The following IGSF10 variants were observed in gnomAD, a reference collection of about 807,000 sequenced individuals.
IGSF10 encodes calvaria mechanical force protein 608.
Under a neutral mutation model 128.2 loss-of-function variants are expected in IGSF10, and 126 were observed. The observed-to-expected ratio is 0.98, with a 90% CI of 0.85 to 1.14. The LOEUF is 1.14. Ranked by LOEUF, IGSF10 falls within the 50% of genes most tolerant of loss-of-function variation. The pLI, the probability that IGSF10 is intolerant of heterozygous loss-of-function variation, is 0.00. For missense variants in IGSF10, 3,295 were observed against 3,149.8 expected, an observed-to-expected ratio of 1.05 and a Z score of -1.10; for synonymous variants, 1,185 against 1,146.2, an observed-to-expected ratio of 1.03 and a Z score of -0.68.
chr3:151,498,737 G>A, the IGSF10 span, among the ~76,000 whole-genome samples: 1 of 152,132 alleles, frequency 6.6e-6, no homozygotes, highest in South Asian at 2.1e-4. Flanking sequence ...CATTTCAGAA[G>A]CTGAATAAGG....
the IGSF10 span, among the ~76,000 whole-genome samples, chr3:151,611,582 C>T: frequency 5.9e-5 from 9 of 152,172 alleles, no homozygotes; most frequent in Admixed American, 2.0e-4. Context: ...TTTCTAAATT[C>T]TCTGAAATGG....
downstream of IGSF10, chr3:151,434,012 G>A (rs1040930583): frequency 6.6e-6 from 1 of 152,594 alleles, no homozygotes; most frequent in Non-Finnish European, 1.5e-5. Context: ...ATCAGTTTGT[G>A]TAACTTAAGA....
At chr3:151,588,062 A>T in the IGSF10 span, among the ~76,000 whole-genome samples, 29 of 152,350 alleles carry the variant, frequency 1.9e-4, no homozygotes, top group African/African-American at 7.0e-4. Flanking sequence ...CACTAAATGA[A>T]TTAAGTGAGG....
At chr3:151,483,188 A>G in the IGSF10 span, among the ~76,000 whole-genome samples, 1 of 152,234 alleles carries the variant, frequency 6.6e-6, no homozygotes, top group African/African-American at 2.4e-5. Context: ...AACCACATAT[A>G]TCTTCAATAT....
At chr3:151,516,962 G>T in the IGSF10 span, among the ~76,000 whole-genome samples, 2 of 151,220 alleles carry the variant, frequency 1.3e-5, no homozygotes, top group African/African-American at 4.9e-5. Context: ...CCCACCAATT[G>T]TATTTGGGAT....
rs374165892 is a variant in IGSF10 at position 151,455,417 on chromosome 3, GT to G, written c.324+1608del. ...TGTGAGCCACTGCGCCCGGCCTAAA[GT>G]TTCTAATAAACTTTATTTTGCACCT... On this transcript the variant is annotated intron_variant, in intron 4 of 7. Coordinates refer to ENST00000282466, the MANE Select transcript of IGSF10 (RefSeq NM_178822.5). 7.0e-4 allele frequency among the ~76,000 whole-genome samples: 106 copies of G among 151,992 alleles called. 2 individuals carry two copies. The East Asian group carries it at 0.015, about 22-fold the overall frequency.
chr3:151,609,360 G>T, the IGSF10 span, among the ~76,000 whole-genome samples: 3 of 152,162 alleles, frequency 2.0e-5, no homozygotes, highest in African/African-American at 7.2e-5. Flanking sequence ...AATCATTGAA[G>T]AATTTTAATC....
At chr3:151,567,325 T>C in the IGSF10 span, among the ~76,000 whole-genome samples, 1 of 152,184 alleles carries the variant, frequency 6.6e-6, no homozygotes, top group Non-Finnish European at 1.5e-5. Flanking sequence ...TTATTATCCA[T>C]ATGAATAAAT....
chr3:151,503,609 A>G, the IGSF10 span, among the ~76,000 whole-genome samples: 257 of 152,290 alleles, frequency 1.7e-3, 6 homozygotes, highest in East Asian at 0.045. Context: ...ATAATTCATG[A>G]CATTTTAAAT....
At chr3:151,608,360 TG>T in the IGSF10 span, among the ~76,000 whole-genome samples, 1 of 152,196 alleles carries the variant, frequency 6.6e-6, no homozygotes, top group Non-Finnish European at 1.5e-5. Context: ...TGGTTTTGCA[TG>T]GAACTGAGTT....
At chr3:151,484,333 C>T in the IGSF10 span, among the ~76,000 whole-genome samples, 1 of 152,172 alleles carries the variant, frequency 6.6e-6, no homozygotes, top group Non-Finnish European at 1.5e-5. Context: ...CCCCACCTCC[C>T]TGGGACACAG....
chr3:151,593,447 G>A, the IGSF10 span, among the ~76,000 whole-genome samples: 2 of 151,834 alleles, frequency 1.3e-5, no homozygotes, highest in Non-Finnish European at 2.9e-5. Flanking sequence ...TGTGAGATAG[G>A]TAGAGGCTGC....
chr3:151,509,517 G>A, the IGSF10 span, among the ~76,000 whole-genome samples: 1 of 152,188 alleles, frequency 6.6e-6, no homozygotes, highest in African/African-American at 2.4e-5. Flanking sequence ...TGGCTAAATA[G>A]GAACAGCTCC....
At chr3:151,482,735 A>G in the IGSF10 span, among the ~76,000 whole-genome samples, 6 of 152,308 alleles carry the variant, frequency 3.9e-5, no homozygotes, top group South Asian at 8.3e-4. Context: ...GTCCTGTCTT[A>G]GGCACATTAT....
At chr3:151,516,346 C>G in the IGSF10 span, among the ~76,000 whole-genome samples, 4 of 152,032 alleles carry the variant, frequency 2.6e-5, no homozygotes. Context: ...CCTTGTCTTT[C>G]AATTCCCCAC....
At chr3:151,540,303 C>G in the IGSF10 span, among the ~76,000 whole-genome samples, 13 of 152,048 alleles carry the variant, frequency 8.5e-5, no homozygotes, top group East Asian at 2.3e-3. Flanking sequence ...TTCTGGTCAC[C>G]CTCACCCAAG....
Position 151,437,877 on chromosome 3 carries a change from C to T in IGSF10, c.6684G>A (p.Leu2228=), listed in dbSNP as rs1720504287. 6.2e-7 allele frequency: 1 copy of T among 1,614,074 alleles called. No individual in the cohort carries two copies. The highest frequency in any genetic ancestry group is 8.5e-7 in the Non-Finnish European group (1 of 1,179,934). Residue 2228 remains leucine (L), a synonymous_variant, in exon 8 of 8, where the codon CTG becomes CTA. Transcript: ENST00000282466. ...PSGDDTKMYK[L]DVVSKPPLIN... ...TTAATGGAGGTTTAGAGACCACATCCAGTTTGTACATTTTGGTGTCATCCC... is the reference window on the plus strand; with the variant it reads ...TTAATGGAGGTTTAGAGACCACATCTAGTTTGTACATTTTGGTGTCATCCC...
chr3:151,485,407 A>G, the IGSF10 span, among the ~76,000 whole-genome samples: 3 of 152,226 alleles, frequency 2.0e-5, no homozygotes, highest in African/African-American at 2.4e-5. Flanking sequence ...AACTTCCCCA[A>G]TCTAGCAAGA....
chr3:151,586,573 G>A, the IGSF10 span, among the ~76,000 whole-genome samples: 1 of 152,280 alleles, frequency 6.6e-6, no homozygotes. Context: ...AATGAAATAT[G>A]GTGATAAGCC....
Sources: gnomAD v4.1 joint callset for allele counts (sites outside exome capture counted in the v4.1 genomes callset) on GRCh38, gnomAD v4.1.1 for gene constraint, MANE v1.5 for transcripts, NCBI Gene and HGNC (gene_info 2026-07-23, HGNC 2026-07-21) for gene names.